Variants in HNRNPA2B1 observed in about 807,000 individuals in gnomAD.
The protein encoded by HNRNPA2B1 is heterogeneous nuclear ribonucleoprotein A2/B1.
In HNRNPA2B1, 3 loss-of-function variants were observed where a neutral mutation model predicts 46.3. That is an observed-to-expected ratio of 0.06 (90% CI 0.03 to 0.17). The LOEUF (loss-of-function observed/expected upper bound fraction) is 0.17, where lower values mean the gene tolerates loss of function less well. HNRNPA2B1 is among the 10% of genes least tolerant of loss of function. The probability of loss-of-function intolerance (pLI) is 1.00; values close to 1 mark genes in which losing one functional copy is unlikely to be tolerated. For synonymous variants in HNRNPA2B1, 225 were observed against 133.8 expected (o/e 1.68, Z -4.70); for missense variants, 221 against 418.9 (o/e 0.53, Z 4.12).
rs1393289026 is a variant in HNRNPA2B1, at chr7:26,192,209, T to C, written c.*151A>G. 1 of 274,062 alleles carries C rather than the reference T, an allele frequency of 3.6e-6. No homozygotes were observed. The highest frequency in any genetic ancestry group is 2.2e-5 in the African/African-American group (1 of 45,076). 17.0% of individuals were successfully genotyped at this position (274,062 alleles called of 1,614,324 possible). A position where few individuals can be genotyped will look rare whatever the true frequency, so the allele number is the denominator to read the frequency against. On this transcript the variant is annotated 3_prime_UTR_variant, in exon 11 of 11. Transcript: ENST00000618183. ...AAATGGCTCTCTGCATCTGCTCTGGTGTCTTCTGCCATATCACTGCATATT... is the reference window on the plus strand; with the variant it reads ...AAATGGCTCTCTGCATCTGCTCTGGCGTCTTCTGCCATATCACTGCATATT...
At chr7:26,200,546 T>C in intron 1 of HNRNPA2B1, 26 bp downstream of exon 1, 3 of 1,612,552 alleles carry the variant, frequency 1.9e-6, no homozygotes, top group Middle Eastern at 1.6e-4. Flanking sequence ...CCCTTTTCAA[T>C]AACTCATTGA....
intron 9 of HNRNPA2B1, 135 bp downstream of exon 9, chr7:26,193,116 C>CT (rs1783100889): frequency 1.2e-6 from 1 of 830,514 alleles, no homozygotes; most frequent in African/African-American, 1.8e-5. Flanking sequence ...TGCAAAATTT[C>CT]TTTATTTTCA....
intron 7 of HNRNPA2B1, among the ~76,000 whole-genome samples, chr7:26,194,323 G>A (rs1319868517): frequency 6.6e-6 from 1 of 152,098 alleles, no homozygotes; most frequent in South Asian, 2.1e-4. Context: ...GTGAACCCGG[G>A]AGGCAGAGGT....
chr7:26,192,726 G>C (rs1198527834), intron 9 of HNRNPA2B1, 149 bp from the exon 10 acceptor site: 25 of 679,422 alleles, frequency 3.7e-5, no homozygotes. Flanking sequence ...AATTACTCAG[G>C]AGATAAATTA....
In HNRNPA2B1 at chr7:26,193,756, C is replaced by T. The variant is rs377457065; in HGVS notation, c.722-62G>A. On this transcript the variant is annotated intron_variant, in intron 7 of 10. Coordinates refer to ENST00000618183, the MANE Select transcript of HNRNPA2B1 (RefSeq NM_002137.4). ...TTTTCAATACCATTTTGAACTGTCT[C>T]CTCACATCCATTTCCAGCTTTCCAA... is the stretch of plus-strand genomic sequence containing the variant. The T allele has an allele frequency of 1.1e-4, 149 of 1,354,030 alleles. No individual in the cohort carries two copies. In the East Asian group the frequency reaches 2.2e-3, roughly 20 times the overall value. The allele number at this position is 1,354,030 out of a possible 1,614,324, so 83.9% of individuals were successfully genotyped here.
At chr7:26,195,081 A>AG (rs1365767382) in intron 7 of HNRNPA2B1, among the ~76,000 whole-genome samples, 1 of 141,768 alleles carries the variant, frequency 7.1e-6, no homozygotes, top group Non-Finnish European at 1.5e-5. Flanking sequence ...TGACAGAGCA[A>AG]GGCTCCGTCT....
At position 26,191,378 on chromosome 7, in the gene HNRNPA2B1, T is replaced by G. The variant is rs947779474; in HGVS notation, c.*982A>C. On this transcript the variant is annotated 3_prime_UTR_variant, in exon 11 of 11. Coordinates refer to ENST00000618183, the MANE Select transcript of HNRNPA2B1 (RefSeq NM_002137.4). ...ACCATTTAAGAGTATTAGTTTATCT[T>G]TTAGGGAGGAAAATTAAGAAAGGAA... 1.3e-5 allele frequency: 2 copies of G among 152,162 alleles called. No homozygotes were observed. Among genetic ancestry groups the G allele is most frequent in the African/African-American group, 4.8e-5 (2 of 41,448 alleles). 9.4% of individuals were successfully genotyped at this position (152,162 alleles called of 1,614,324 possible).
chr7:26,193,447 C>A, intron 8 of HNRNPA2B1, 74 bp from the exon 9 acceptor site: 4 of 1,536,776 alleles, frequency 2.6e-6, no homozygotes, highest in Non-Finnish European at 3.5e-6. Flanking sequence ...CCCATAAAAA[C>A]AAATAAAAGC....
chr7:26,196,705 A>G (rs921908942), intron 4 of HNRNPA2B1, 47 bp from the exon 5 acceptor site: 5 of 1,570,244 alleles, frequency 3.2e-6, no homozygotes, highest in South Asian at 1.1e-5. Flanking sequence ...CAACAATATT[A>G]AGCAGCTTCA....
In HNRNPA2B1 at chr7:26,197,025, A is replaced by T. The variant is rs1384199266; in HGVS notation, c.265-8T>A. 5.0e-6 allele frequency: 8 copies of T among 1,603,480 alleles called. No homozygotes were observed. Among genetic ancestry groups the T allele is most frequent in the Non-Finnish European group, 5.1e-6 (6 of 1,173,136 alleles). ...CCCTGGTTTTCCAGATTCCTAAAAT[A>T]GTGGTGGGGTAAAAGTCATCCAAAC... is the stretch of plus-strand genomic sequence containing the variant. On this transcript the variant is annotated splice_polypyrimidine_tract_variant and splice_region_variant and intron_variant, in intron 3 of 10. Coordinates refer to ENST00000618183, the MANE Select transcript of HNRNPA2B1 (RefSeq NM_002137.4).
chr7:26,197,078 C>T (rs1472529727), intron 3 of HNRNPA2B1, 61 bp from the exon 4 acceptor site: 1 of 1,358,360 alleles, frequency 7.4e-7, no homozygotes, highest in Non-Finnish European at 1.0e-6. Context: ...TAATTCAAAG[C>T]ACCCAACCGT....
At chr7:26,195,036 G>C (rs1437991772) in intron 7 of HNRNPA2B1, among the ~76,000 whole-genome samples, 1 of 145,084 alleles carries the variant, frequency 6.9e-6, no homozygotes, top group Non-Finnish European at 1.5e-5. Flanking sequence ...AGAGATTGCA[G>C]TGAGCAGAGA....
At position 26,190,012 on chromosome 7, in the gene HNRNPA2B1, T is replaced by C. The variant is rs915434717; in HGVS notation, c.*2348A>G. ...TCATTTACCTGTTAATATTAAAATA[T>C]GCATAGCTTTGTGAAACTGCTTTTA... On this transcript the variant is annotated 3_prime_UTR_variant, in exon 11 of 11. Coordinates refer to ENST00000618183, the MANE Select transcript of HNRNPA2B1 (RefSeq NM_002137.4). 1.3e-5 allele frequency: 2 copies of C among 152,428 alleles called. No individual in the cohort carries two copies. The highest frequency in any genetic ancestry group is 1.9e-4 in the East Asian group (1 of 5,206). The allele number at this position is 152,428 out of a possible 1,614,324, so 9.4% of individuals were successfully genotyped here.
chr7:26,196,694 T>A (rs372376249), intron 4 of HNRNPA2B1, 36 bp from the exon 5 acceptor site: 2 of 1,584,706 alleles, frequency 1.3e-6, no homozygotes, highest in African/African-American at 1.4e-5. Flanking sequence ...TTAAATTAAA[T>A]CAACAATATT....
chr7:26,193,833 GAAT>G, intron 7 of HNRNPA2B1, 139 bp from the exon 8 acceptor site: 1 of 751,828 alleles, frequency 1.3e-6, no homozygotes, highest in Non-Finnish European at 2.1e-6. Context: ...TTCAAGGACT[GAAT>G]AACTATCCTT....
At chr7:26,193,531 T>G (rs1459874856) in intron 8 of HNRNPA2B1, 44 bp downstream of exon 8, 6 of 1,566,660 alleles carry the variant, frequency 3.8e-6, no homozygotes, top group Non-Finnish European at 5.2e-6. Flanking sequence ...TACAAAGACA[T>G]TAATTCCAAA....
chr7:26,198,208 C>A (rs1181977152), intron 1 of HNRNPA2B1: 1 of 196,504 alleles, frequency 5.1e-6, no homozygotes, highest in East Asian at 1.2e-4. Flanking sequence ...TTTCACTATT[C>A]AATATCTGAA....
intron 3 of HNRNPA2B1, 142 bp downstream of exon 3, chr7:26,197,173 C>G: frequency 8.3e-7 from 1 of 1,199,320 alleles, no homozygotes; most frequent in Non-Finnish European, 1.2e-6. Context: ...AATAAGCTAG[C>G]TTAAGAAAAT....
Position 26,192,485 on chromosome 7 carries a change from A to G in HNRNPA2B1, c.*21+10T>C. The G allele has an allele frequency of 6.3e-7, 1 of 1,577,030 alleles. No homozygotes were observed. Among genetic ancestry groups the G allele is most frequent in the Non-Finnish European group, 8.7e-7 (1 of 1,146,560 alleles). ...GATAATAATAATTGTAAAACTCAAA[A>G]GCTACTTACCCATGGCAAATAGGAA... On this transcript the variant is annotated intron_variant, in intron 10 of 10. Transcript: ENST00000618183.
Sources: gnomAD v4.1 joint callset for allele counts (sites outside exome capture counted in the v4.1 genomes callset) on GRCh38, gnomAD v4.1.1 for gene constraint, MANE v1.5 for transcripts, NCBI Gene and HGNC (gene_info 2026-07-23, HGNC 2026-07-21) for gene names.